KCNH3: variants seen among roughly 807,000 people sequenced by gnomAD.
KCNH3 encodes the protein voltage-gated inwardly rectifying potassium channel KCNH3.
In KCNH3, 36 loss-of-function variants were observed where a neutral mutation model predicts 95.6. The ratio of observed to expected loss-of-function variants is 0.38; its 90% CI spans 0.29 to 0.50. KCNH3 has a LOEUF of 0.50. KCNH3 is among the 20% of genes least tolerant of loss of function. KCNH3 has a pLI of 0.95. For synonymous variants in KCNH3, 620 were observed against 646.3 expected, an observed-to-expected ratio of 0.96 and a Z score of 0.62; for missense variants, 1,030 against 1,484.1, an observed-to-expected ratio of 0.69 and a Z score of 5.03.
In KCNH3 at chr12:49,541,739, G is replaced by A. The variant is rs1252519458; in HGVS notation, c.420G>A (p.Gly140=). The A allele has an allele frequency of 1.2e-6, 2 of 1,614,184 alleles. No individual in the cohort carries two copies. Among genetic ancestry groups the A allele is most frequent in the East Asian group, 2.2e-5 (1 of 44,884 alleles). ...ACATCAGCGAAACCAAGAACCGAGGGGGCCCCGACAGATGGAAGGAGACAG... is the reference window on the plus strand; with the variant it reads ...ACATCAGCGAAACCAAGAACCGAGGAGGCCCCGACAGATGGAAGGAGACAG... ...HKDISETKNR[G]GPDRWKETGG... is the part of the protein sequence containing the mutation. Residue 140 remains glycine (G), a synonymous_variant, in exon 3 of 15, where the codon GGG becomes GGA. Transcript: ENST00000257981.
chr12:49,544,157 T>G lies in KCNH3; in HGVS notation c.982-18T>G. ...CCGCTGACCTCCCTCCCTCCCTCCC[T>G]CCCTCCCCGCATCTCAGTACTTCGG... On this transcript the variant is annotated intron_variant, in intron 6 of 14. Coordinates refer to ENST00000257981, the MANE Select transcript of KCNH3 (RefSeq NM_012284.3). 3.0e-6 allele frequency: 1 copy of G among 329,830 alleles called. No individual in the cohort carries two copies. The highest frequency in any genetic ancestry group is 5.9e-6 in the Non-Finnish European group (1 of 170,932). The allele number at this position is 329,830 out of a possible 1,614,324, so 20.4% of individuals were successfully genotyped here.
rs1233994055 is a variant in KCNH3, at chr12:49,549,436, C to T, written c.1469-5C>T. 1.2e-6 allele frequency: 2 copies of T among 1,613,324 alleles called. No homozygotes were observed. The highest frequency in any genetic ancestry group is 1.1e-5 in the South Asian group (1 of 91,084). ...AGGTGACCCCCTCTCGTCACCCTCC[C>T]CCAGCCCTGATGCACGCGGTGGTGT... On this transcript the variant is annotated splice_region_variant and splice_polypyrimidine_tract_variant and intron_variant, in intron 8 of 14. Coordinates refer to ENST00000257981, the MANE Select transcript of KCNH3 (RefSeq NM_012284.3).
In KCNH3 at chr12:49,549,430, C is replaced by T; in HGVS notation, c.1469-11C>T. 1 of 1,612,770 alleles carries T rather than the reference C, an allele frequency of 6.2e-7. No homozygotes were observed. Among genetic ancestry groups the T allele is most frequent in the South Asian group, 1.1e-5 (1 of 91,074 alleles). ...TCCCCTAGGTGACCCCCTCTCGTCA[C>T]CCTCCCCCAGCCCTGATGCACGCGG... On this transcript the variant is annotated splice_polypyrimidine_tract_variant and intron_variant, in intron 8 of 14. Coordinates refer to ENST00000257981, the MANE Select transcript of KCNH3 (RefSeq NM_012284.3).
intron 6 of KCNH3, 39 bp downstream of exon 6, chr12:49,544,111 C>G (rs986329392): frequency 5.6e-6 from 9 of 1,605,980 alleles, no homozygotes; most frequent in Non-Finnish European, 6.8e-6. Flanking sequence ...TGGGCTTGGC[C>G]AGGGGACAGG....
intron 3 of KCNH3, 104 bp downstream of exon 3, chr12:49,541,868 AT>A: frequency 8.1e-7 from 1 of 1,233,366 alleles, no homozygotes; most frequent in Non-Finnish European, 1.1e-6. Context: ...ACCTGCATTC[AT>A]TTCACTCCCA....
chr12:49,551,391 CGTG>C (rs1938252886), intron 10 of KCNH3, among the ~76,000 whole-genome samples: 1 of 151,992 alleles, frequency 6.6e-6, no homozygotes, highest in Admixed American at 6.5e-5. Flanking sequence ...GCCTGGCCAA[CGTG>C]GTGAAATCCT....
rs759839431 is a variant in KCNH3 at position 49,543,474 on chromosome 12, C to T, written c.779C>T (p.Pro260Leu). 36 of 1,600,800 alleles carry T rather than the reference C, an allele frequency of 2.2e-5. No homozygotes were observed. Among genetic ancestry groups the T allele is most frequent in the Middle Eastern group, 1.6e-4 (1 of 6,070 alleles). ...TAREPSAARG[P>L]PSVCDLAVEV... Reference sequence around the variant, plus strand: ...CGGGAGCCCAGTGCCGCCCGCGGCCCGCCCAGCGTCTGTGACCTGGCCGTG... The same window carrying T: ...CGGGAGCCCAGTGCCGCCCGCGGCCTGCCCAGCGTCTGTGACCTGGCCGTG... The change falls in exon 5 of 15, where the codon CCG becomes CTG. Residue 260 changes from proline to leucine, a missense_variant. Physicochemically the swap from Pro to Leu is moderately conservative, Grantham distance 98 (BLOSUM62 -3). Coordinates refer to ENST00000257981, the MANE Select transcript of KCNH3 (RefSeq NM_012284.3).
chr12:49,557,835 C>G lies in KCNH3; in HGVS notation c.3134C>G (p.Pro1045Arg). 3 of 1,598,734 alleles carry G rather than the reference C, an allele frequency of 1.9e-6. No individual in the cohort carries two copies. The highest frequency in any genetic ancestry group is 2.6e-6 in the Non-Finnish European group (3 of 1,170,174). ...GAGGCTACCAGCACTGGAGAGCCCCCACCAGGGTCAGGGGGCCTGGCCTTG... is the reference window on the plus strand; with the variant it reads ...GAGGCTACCAGCACTGGAGAGCCCCGACCAGGGTCAGGGGGCCTGGCCTTG... ...QAEATSTGEP[P>R]PGSGGLALPW... The change falls in exon 15 of 15, where the codon CCA becomes CGA. Residue 1045 changes from proline to arginine, a missense_variant. Pro to Arg is a moderately radical substitution (Grantham distance 103). Transcript: ENST00000257981.
chr12:49,556,196 C>G, intron 12 of KCNH3, 174 bp from the exon 13 acceptor site: 1 of 620,854 alleles, frequency 1.6e-6, no homozygotes, highest in Non-Finnish European at 2.9e-6. Context: ...CTTGGCCCCC[C>G]AGCTAAACTG....
intron 7 of KCNH3, among the ~76,000 whole-genome samples, chr12:49,547,385 C>G (rs151177529): frequency 6.6e-6 from 1 of 152,228 alleles, no homozygotes; most frequent in African/African-American, 2.4e-5. Flanking sequence ...AGGTTTGGCT[C>G]GTGCCTGTCC....
At position 49,558,301 on chromosome 12, in the gene KCNH3, C is replaced by T. The variant is rs1169032248; in HGVS notation, c.*348C>T. 7.5e-6 allele frequency: 3 copies of T among 401,506 alleles called. No individual in the cohort carries two copies. Among genetic ancestry groups the T allele is most frequent in the Non-Finnish European group, 1.3e-5 (3 of 228,552 alleles). The allele number at this position is 401,506 out of a possible 1,614,324, so 24.9% of individuals were successfully genotyped here. A position where few individuals can be genotyped will look rare whatever the true frequency, so the allele number is the denominator to read the frequency against. ...TAAAAAAAAAAAATAAAATAAACTA[C>T]TTTGGAACCTGGTGCTTTTTATTTA... On this transcript the variant is annotated 3_prime_UTR_variant, in exon 15 of 15. Coordinates refer to ENST00000257981, the MANE Select transcript of KCNH3 (RefSeq NM_012284.3).
At position 49,557,244 on chromosome 12, in the gene KCNH3, CA is replaced by C; in HGVS notation, c.2639del (p.Lys880SerfsTer6). ...AGGCAAGGAACACAGACACACTGGACAAGCTTCGGCAGGCGGTGGGTGAGGG... is the reference window on the plus strand; with the variant it reads ...AGGCAAGGAACACAGACACACTGGACAGCTTCGGCAGGCGGTGGGTGAGGG... ...SEARNTDTLD[K>X]LRQAVTELSE... On this transcript the variant is annotated frameshift_variant, in exon 14 of 15. Transcript: ENST00000257981. LOFTEE classifies it high-confidence loss of function. 6.2e-7 allele frequency: 1 copy of C among 1,613,930 alleles called. No individual in the cohort carries two copies. The highest frequency in any genetic ancestry group is 8.5e-7 in the Non-Finnish European group (1 of 1,179,966).
chr12:49,540,814 T>C, intron 1 of KCNH3, 85 bp from the exon 2 acceptor site: 1 of 1,120,606 alleles, frequency 8.9e-7, no homozygotes. Flanking sequence ...AACCCACTCT[T>C]TGGTTGCAGG....
intron 4 of KCNH3, 138 bp downstream of exon 4, chr12:49,542,977 G>A (rs1592498625): frequency 8.4e-7 from 1 of 1,194,376 alleles, no homozygotes; most frequent in Non-Finnish European, 1.1e-6. Context: ...GGGACTGAAG[G>A]AGGGAAGATC....
At chr12:49,540,471 G>A (rs1241736084) in intron 1 of KCNH3, among the ~76,000 whole-genome samples, 1 of 152,208 alleles carries the variant, frequency 6.6e-6, no homozygotes, top group Non-Finnish European at 1.5e-5. Flanking sequence ...CAGTCTAGGT[G>A]TGTCTCAGTG....
chr12:49,542,781 T>C lies in KCNH3; in HGVS notation c.521T>C (p.Leu174Pro). ...AACCGGCGGCGGAGCCGGGCCGTGC[T>C]CTACCACCTGTCCGGGCACCTGCAG... ...NANRRRSRAV[L>P]YHLSGHLQKQ... The change falls in exon 4 of 15, where the codon CTC becomes CCC. Residue 174 changes from leucine (L) to proline (P), a missense_variant. Transcript: ENST00000257981. 6.2e-7 allele frequency: 1 copy of C among 1,600,014 alleles called. No homozygotes were observed. The highest frequency in any genetic ancestry group is 1.1e-5 in the South Asian group (1 of 88,136).
intron 3 of KCNH3, among the ~76,000 whole-genome samples, chr12:49,542,119 T>C (rs924523329): frequency 2.0e-5 from 3 of 152,188 alleles, no homozygotes; most frequent in African/African-American, 7.2e-5. Flanking sequence ...GGGGTGGAGC[T>C]CTGGGCAAAG....
intron 7 of KCNH3, among the ~76,000 whole-genome samples, chr12:49,548,093 T>C (rs1254868677): frequency 7.4e-6 from 1 of 135,538 alleles, no homozygotes; most frequent in African/African-American, 3.3e-5. Flanking sequence ...AGCCTGTGAC[T>C]ACGTGTGTGT....
At position 49,541,145 on chromosome 12, in the gene KCNH3, C is replaced by G. The variant is rs748321656; in HGVS notation, c.310+13C>G. The G allele has an allele frequency of 2.5e-6, 4 of 1,585,884 alleles. No homozygotes were observed. The highest frequency in any genetic ancestry group is 3.4e-6 in the Non-Finnish European group (4 of 1,168,898). ...TACCGGAAGAGCGGTGAGGGGCCAC[C>G]TGGCCAGCCTGCCTCACCTTTGCAG... On this transcript the variant is annotated intron_variant, in intron 2 of 14. Transcript: ENST00000257981.
Sources: allele counts gnomAD v4.1 joint callset (sites outside exome capture counted in the v4.1 genomes callset), GRCh38; gene constraint gnomAD v4.1.1; transcripts MANE v1.5; gene names NCBI Gene and HGNC (gene_info 2026-07-23, HGNC 2026-07-21).